Variants in STRAP observed in about 807,000 individuals in gnomAD.
The protein encoded by STRAP is serine/threonine kinase receptor associated protein.
In STRAP, 16 loss-of-function variants were observed where a neutral mutation model predicts 47.0. The observed-to-expected ratio is 0.34, with a 90% confidence interval of 0.23 to 0.52. The LOEUF (loss-of-function observed/expected upper bound fraction) is 0.52, where lower values mean the gene tolerates loss of function less well. Ranked by LOEUF, STRAP falls within the 20% of genes least tolerant of loss-of-function variation. The pLI, the probability that STRAP is intolerant of heterozygous loss-of-function variation, is 0.96. For synonymous variants in STRAP, 130 were observed against 142.7 expected (o/e 0.91, Z 0.63); for missense variants, 293 against 420.0 (o/e 0.70, Z 2.64).
At chr12:15,902,288 A>G (rs1948110600) in intron 9 of STRAP, among the ~76,000 whole-genome samples, 1 of 152,168 alleles carries the variant, frequency 6.6e-6, no homozygotes, top group African/African-American at 2.4e-5. Flanking sequence ...GTAGTTTTTA[A>G]TAAGGGTATT....
chr12:15,886,912 A>AGT (rs1463244262), intron 2 of STRAP, among the ~76,000 whole-genome samples: 1 of 152,178 alleles, frequency 6.6e-6, no homozygotes, highest in African/African-American at 2.4e-5. Context: ...TCCAGTGTTG[A>AGT]GTACAGTGTC....
intron 9 of STRAP, among the ~76,000 whole-genome samples, 180 bp from the exon 10 acceptor site, chr12:15,902,737 T>C (rs1356690320): frequency 6.6e-6 from 1 of 152,152 alleles, no homozygotes; most frequent in African/African-American, 2.4e-5. Context: ...TTCTTTGCCT[T>C]TTCAATGACA....
chr12:15,903,131 C>G lies in STRAP; in HGVS notation c.*153C>G. The stretch of plus-strand genomic sequence containing the variant: ...CTCCAGTGCTGGAACAACTAACTAA[C>G]TTGGTGTTACCTGTAAGTGAAAACT... On this transcript the variant is annotated 3_prime_UTR_variant, in exon 10 of 10. Coordinates refer to ENST00000419869, the MANE Select transcript of STRAP (RefSeq NM_007178.4). 1.3e-6 allele frequency: 1 copy of G among 759,834 alleles called. No individual in the cohort carries two copies. Among genetic ancestry groups the G allele is most frequent in the Non-Finnish European group, 1.9e-6 (1 of 525,808 alleles). 47.1% of individuals were successfully genotyped at this position (759,834 alleles called of 1,614,324 possible).
At position 15,894,228 on chromosome 12, in the gene STRAP, C is replaced by G. The variant is rs1948041587; in HGVS notation, c.500+85C>G. ...TAATCTCAGCACTTTGGGAGGCGAG[C>G]CGGGTGGATCATTAGAGGTCAGGAG... On this transcript the variant is annotated intron_variant, in intron 5 of 9. Transcript: ENST00000419869. This position sits in a 1 kb window ranked among gnomAD's most constrained non-coding sequence, Gnocchi z 4.9. 9.7e-6 allele frequency: 10 copies of G among 1,029,798 alleles called. No individual in the cohort carries two copies. Among genetic ancestry groups the G allele is most frequent in the Non-Finnish European group, 1.3e-5 (9 of 673,362 alleles). 63.8% of individuals were successfully genotyped at this position (1,029,798 alleles called of 1,614,324 possible).
chr12:15,888,196 T>C (rs1947986846), intron 2 of STRAP, among the ~76,000 whole-genome samples: 1 of 152,158 alleles, frequency 6.6e-6, no homozygotes, highest in African/African-American at 2.4e-5. Context: ...GCCCTAAGGG[T>C]GAGTAGAACT....
In STRAP at chr12:15,894,589, GCTAT is replaced by G. The variant is rs1948045354; in HGVS notation, c.500+451_500+454del. Among the ~76,000 whole-genome samples, 1 of 152,180 alleles carries G rather than the reference GCTAT, an allele frequency of 6.6e-6. No homozygotes were observed. The highest frequency in any genetic ancestry group is 2.1e-4 in the South Asian group (1 of 4,830). ...TGCACCCAGGTCACATTTATCTGGA[GCTAT>G]CTATTTACTAATACAGGTTGAGTAT... is the stretch of plus-strand genomic sequence containing the variant. On this transcript the variant is annotated intron_variant, in intron 5 of 9. Coordinates refer to ENST00000419869, the MANE Select transcript of STRAP (RefSeq NM_007178.4). This position sits in a 1 kb window ranked among gnomAD's most constrained non-coding sequence, Gnocchi z 4.9.
At position 15,882,408 on chromosome 12, in the gene STRAP, C is replaced by T; in HGVS notation, c.-300C>T. 2 of 451,694 alleles carry T rather than the reference C, an allele frequency of 4.4e-6. No individual in the cohort carries two copies. The highest frequency in any genetic ancestry group is 5.7e-5 in the South Asian group (2 of 35,380). The allele number at this position is 451,694 out of a possible 1,614,324, so 28.0% of individuals were successfully genotyped here. ...TTTACGTCGTCACTTCCTGCCGATG[C>T]CGGTGTGGACGCTGTGAATCGTGGC... On this transcript the variant is annotated 5_prime_UTR_variant, in exon 1 of 10. Coordinates refer to ENST00000419869, the MANE Select transcript of STRAP (RefSeq NM_007178.4).
intron 6 of STRAP, 67 bp downstream of exon 6, chr12:15,895,563 G>C (rs550038783): frequency 6.5e-7 from 1 of 1,538,312 alleles, no homozygotes; most frequent in African/African-American, 1.4e-5. Flanking sequence ...ACTTAAAAAT[G>C]GGAAGGTATT....
At position 15,882,548 on chromosome 12, in the gene STRAP, C is replaced by G; in HGVS notation, c.-160C>G. The G allele has an allele frequency of 1.6e-6, 1 of 631,512 alleles. No individual in the cohort carries two copies. The highest frequency in any genetic ancestry group is 1.9e-5 in the South Asian group (1 of 52,846). 39.1% of individuals were successfully genotyped at this position (631,512 alleles called of 1,614,324 possible). A position where few individuals can be genotyped will look rare whatever the true frequency, so the allele number is the denominator to read the frequency against. ...TCCCTGACCCCTCCCTCACCCCTCC[C>G]TAACCTCGGTGCCACCGGATTGCCC... On this transcript the variant is annotated 5_prime_UTR_variant, in exon 1 of 10. Transcript: ENST00000419869.
intron 9 of STRAP, 21 bp from the exon 10 acceptor site, chr12:15,902,896 T>C: frequency 7.1e-7 from 1 of 1,410,764 alleles, no homozygotes; most frequent in Non-Finnish European, 9.2e-7. Flanking sequence ...TTTTTTTTTT[T>C]TTTTTTTTTT....
In STRAP at chr12:15,883,768, C is replaced by T. The variant is rs60922115; in HGVS notation, c.248+92C>T. On this transcript the variant is annotated intron_variant, in intron 2 of 9. Coordinates refer to ENST00000419869, the MANE Select transcript of STRAP (RefSeq NM_007178.4). ...TTCAGTGTCAGATATTCATAAAATT[C>T]TGACTCACTGGCTGCCATACAGAAC... 886 of 1,500,272 alleles carry T rather than the reference C, an allele frequency of 5.9e-4. 4 individuals carry two copies. In the African/African-American group the frequency reaches 0.011, roughly 19 times the overall value. 92.9% of individuals were successfully genotyped at this position (1,500,272 alleles called of 1,614,324 possible). A position where few individuals can be genotyped will look rare whatever the true frequency, so the allele number is the denominator to read the frequency against.
At chr12:15,901,881 G>T (rs972337657) in intron 9 of STRAP, among the ~76,000 whole-genome samples, 1 of 148,164 alleles carries the variant, frequency 6.7e-6, no homozygotes, top group Non-Finnish European at 1.5e-5. Context: ...AAAAAAAAAA[G>T]GTTGCCTTGG....
In STRAP at chr12:15,895,583, T is replaced by A. The variant is rs1022836859; in HGVS notation, c.638+87T>A. 2.3e-5 allele frequency: 34 copies of A among 1,451,768 alleles called. No homozygotes were observed. The East Asian group carries it at 4.7e-4, about 20-fold the overall frequency. 89.9% of individuals were successfully genotyped at this position (1,451,768 alleles called of 1,614,324 possible). The stretch of plus-strand genomic sequence containing the variant: ...AAAATGGGAAGGTATTTACTTTTTT[T>A]AAAAGTAAAGAGGCCAGGAGTGGTG... On this transcript the variant is annotated intron_variant, in intron 6 of 9. Transcript: ENST00000419869.
intron 9 of STRAP, among the ~76,000 whole-genome samples, chr12:15,902,486 AT>A (rs1421984096): frequency 6.6e-6 from 1 of 152,162 alleles, no homozygotes; most frequent in Non-Finnish European, 1.5e-5. Context: ...TTTTCCTTAA[AT>A]TTTTTATTGT....
intron 6 of STRAP, among the ~76,000 whole-genome samples, chr12:15,897,327 T>A (rs1043218552): frequency 1.4e-4 from 22 of 152,178 alleles, no homozygotes; most frequent in African/African-American, 5.3e-4. Context: ...TTTTATTATA[T>A]AACTATAGCC....
chr12:15,903,087 A>T lies in STRAP; in HGVS notation c.*109A>T. On this transcript the variant is annotated 3_prime_UTR_variant, in exon 10 of 10. Coordinates refer to ENST00000419869, the MANE Select transcript of STRAP (RefSeq NM_007178.4). ...GCTTAAGGCAGAAACAGCAGTAAAT[A>T]ATGAGGAAAATGAATTAGCTCCAGT... The T allele has an allele frequency of 8.3e-7, 1 of 1,203,742 alleles. No individual in the cohort carries two copies. The highest frequency in any genetic ancestry group is 1.1e-6 in the Non-Finnish European group (1 of 895,744). The allele number at this position is 1,203,742 out of a possible 1,614,324, so 74.6% of individuals were successfully genotyped here.
At chr12:15,902,046 G>A (rs1220779531) in intron 9 of STRAP, among the ~76,000 whole-genome samples, 2 of 151,886 alleles carry the variant, frequency 1.3e-5, no homozygotes, top group Non-Finnish European at 2.9e-5. Flanking sequence ...GCATGATCTC[G>A]ACTCACTGCA....
Position 15,903,185 on chromosome 12 carries a change from A to G in STRAP, c.*207A>G. ...GTGTCAGATGAAGGGAGGTGGAGTT[A>G]TCCTCTTATAGTACAGTGGCCTGTT... On this transcript the variant is annotated 3_prime_UTR_variant, in exon 10 of 10. Transcript: ENST00000419869. 2.3e-6 allele frequency: 1 copy of G among 441,652 alleles called. No homozygotes were observed. Among genetic ancestry groups the G allele is most frequent in the East Asian group, 3.5e-5 (1 of 28,300 alleles). The allele number at this position is 441,652 out of a possible 1,614,324, so 27.4% of individuals were successfully genotyped here. A position where few individuals can be genotyped will look rare whatever the true frequency, so the allele number is the denominator to read the frequency against.
rs544431302 is a variant in STRAP at position 15,886,841 on chromosome 12, T to C, written c.249-3087T>C. The stretch of plus-strand genomic sequence containing the variant: ...TGGTCCCGTTTCTTGTGGAGAAATT[T>C]AGCAGAATAGGTCTGTGGACTAGTG... On this transcript the variant is annotated intron_variant, in intron 2 of 9. Coordinates refer to ENST00000419869, the MANE Select transcript of STRAP (RefSeq NM_007178.4). Among the ~76,000 whole-genome samples the C allele has an allele frequency of 2.0e-5, 3 of 152,326 alleles. No individual in the cohort carries two copies. The East Asian group carries it at 5.8e-4, about 29-fold the overall frequency.
Sources: gnomAD v4.1 joint callset for allele counts (sites outside exome capture counted in the v4.1 genomes callset) on GRCh38, gnomAD v4.1.1 for gene constraint, Gnocchi (gnomAD v3.1) non-coding constraint, MANE v1.5 for transcripts, NCBI Gene and HGNC (gene_info 2026-07-23, HGNC 2026-07-21) for gene names.